The following OR56A3 variants were observed in gnomAD, a reference collection of about 807,000 sequenced individuals.
OR56A3 encodes the protein olfactory receptor 56A3.
A neutral mutation model predicts 17.5 loss-of-function variants in OR56A3; 23 were observed. The ratio of observed to expected loss-of-function variants is 1.32; its 90% confidence interval spans 0.95 to 1.87. OR56A3 has a LOEUF of 1.87. Ranked by LOEUF, OR56A3 falls within the 40% of genes most tolerant of loss-of-function variation. The pLI, the probability that OR56A3 is intolerant of heterozygous loss-of-function variation, is 0.00. For missense variants in OR56A3, 366 were observed against 380.1 expected, an observed-to-expected ratio of 0.96 and a Z score of 0.31; for synonymous variants, 175 against 150.6, an observed-to-expected ratio of 1.16 and a Z score of -1.19.
the OR56A3 span, chr11:6,021,297 A>G: frequency 6.6e-6 from 1 of 152,096 alleles, no homozygotes; most frequent in Admixed American, 6.6e-5. Context: ...TACACAAATT[A>G]CAATTAGAAA....
chr11:5,951,954 A>G (rs981755068), downstream of OR56A3, among the ~76,000 whole-genome samples: 3 of 152,210 alleles, frequency 2.0e-5, no homozygotes, highest in Non-Finnish European at 4.4e-5. Flanking sequence ...AAGGACGGAA[A>G]GTAATTTAGA....
the OR56A3 span, among the ~76,000 whole-genome samples, chr11:5,989,280 G>C: frequency 6.6e-6 from 1 of 152,086 alleles, no homozygotes; most frequent in African/African-American, 2.4e-5. Flanking sequence ...TCATTTTTTA[G>C]CTAAGGAGTC....
rs148306029 is a variant in OR56A3, at chr11:5,942,867, T to C, written c.-314+493T>C. Among the ~76,000 whole-genome samples the C allele has an allele frequency of 2.2e-3, 340 of 152,364 alleles. 1 individual carries two copies. Among genetic ancestry groups the C allele is most frequent in the African/African-American group, 7.5e-3 (310 of 41,594 alleles). On this transcript the variant is annotated intron_variant, in intron 1 of 2. Coordinates refer to ENST00000641160, the MANE Select transcript of OR56A3 (RefSeq NM_001003443.3). ...TTTACCAAGATAGAACCCTAGCAACTCTTTTACTTTTTAAAACAGGGTTTC... is the reference window on the plus strand; with the variant it reads ...TTTACCAAGATAGAACCCTAGCAACCCTTTTACTTTTTAAAACAGGGTTTC...
chr11:5,955,244 A>C (rs1213107105), downstream of OR56A3, among the ~76,000 whole-genome samples: 1 of 152,230 alleles, frequency 6.6e-6, no homozygotes, highest in Non-Finnish European at 1.5e-5. Context: ...AAAAGTAAAA[A>C]GATTAAAATC....
the OR56A3 span, among the ~76,000 whole-genome samples, chr11:6,009,854 G>A: frequency 6.6e-6 from 1 of 152,212 alleles, no homozygotes; most frequent in African/African-American, 2.4e-5. Context: ...TGCAAATCCA[G>A]TTCCATCTAT....
the OR56A3 span, among the ~76,000 whole-genome samples, chr11:5,961,739 A>T: frequency 1.5e-4 from 22 of 142,164 alleles, no homozygotes; most frequent in East Asian, 4.7e-3. Flanking sequence ...CCCAAGAATG[A>T]TCAATAAATA....
At chr11:5,959,733 A>T in the OR56A3 span, among the ~76,000 whole-genome samples, 1 of 151,930 alleles carries the variant, frequency 6.6e-6, no homozygotes, top group African/African-American at 2.4e-5. Context: ...ACATCTAAAT[A>T]ATCATTGCCC....
At chr11:5,977,222 A>G in the OR56A3 span, among the ~76,000 whole-genome samples, 1 of 152,186 alleles carries the variant, frequency 6.6e-6, no homozygotes, top group Admixed American at 6.5e-5. Flanking sequence ...TCCTTTGGAT[A>G]TATATCCAAT....
the OR56A3 span, among the ~76,000 whole-genome samples, chr11:5,957,068 C>T: frequency 1.3e-5 from 2 of 152,132 alleles, no homozygotes; most frequent in South Asian, 2.1e-4. Context: ...GCAGGAGAAT[C>T]GCTTGAACCT....
At chr11:5,961,977 C>T in the OR56A3 span, among the ~76,000 whole-genome samples, 134 of 152,232 alleles carry the variant, frequency 8.8e-4, no homozygotes, top group Admixed American at 2.2e-3. Flanking sequence ...TGTTCCAGAT[C>T]TCGGAGAAAA....
chr11:5,962,360 G>A, the OR56A3 span, among the ~76,000 whole-genome samples: 1 of 152,106 alleles, frequency 6.6e-6, no homozygotes, highest in Non-Finnish European at 1.5e-5. Context: ...TTCTTTGTGT[G>A]TGCGTGTTCT....
At chr11:5,953,582 C>A (rs553978810), downstream of OR56A3, among the ~76,000 whole-genome samples, 1 of 152,156 alleles carries the variant, frequency 6.6e-6, no homozygotes, top group African/African-American at 2.4e-5. Context: ...ATCAGTAGAT[C>A]TGGCTGCATA....
chr11:6,003,748 T>C, the OR56A3 span, among the ~76,000 whole-genome samples: 29 of 152,244 alleles, frequency 1.9e-4, no homozygotes, highest in African/African-American at 6.7e-4. Flanking sequence ...TTGTGTGAAA[T>C]GATGTTACAT....
At chr11:5,975,833 A>C in the OR56A3 span, among the ~76,000 whole-genome samples, 1 of 152,028 alleles carries the variant, frequency 6.6e-6, no homozygotes, top group Non-Finnish European at 1.5e-5. Context: ...AACAGTGTAA[A>C]AGTGTTCCTA....
the OR56A3 span, among the ~76,000 whole-genome samples, chr11:5,976,002 G>A: frequency 6.6e-6 from 1 of 151,940 alleles, no homozygotes; most frequent in East Asian, 1.9e-4. Context: ...AAAATACTAG[G>A]AAACCAAATA....
the OR56A3 span, chr11:5,987,029 G>T: frequency 8.9e-7 from 1 of 1,124,778 alleles, no homozygotes; most frequent in Non-Finnish European, 1.3e-6. Context: ...AGGGAATAAA[G>T]TTAGCTACAG....
chr11:6,008,844 TTATATCCTGTA>T, the OR56A3 span, among the ~76,000 whole-genome samples: 3 of 152,236 alleles, frequency 2.0e-5, no homozygotes, highest in Admixed American at 6.5e-5. Flanking sequence ...TATCCTGTAT[TTATATCCTGTA>T]TATATCCTGT....
At chr11:5,961,157 G>A in the OR56A3 span, among the ~76,000 whole-genome samples, 13 of 148,558 alleles carry the variant, frequency 8.8e-5, no homozygotes, top group South Asian at 2.2e-4. Context: ...CCCGGCCACC[G>A]CCCAGTCTGG....
At chr11:5,975,189 C>T in the OR56A3 span, among the ~76,000 whole-genome samples, 16 of 152,212 alleles carry the variant, frequency 1.1e-4, no homozygotes, top group African/African-American at 3.9e-4. Flanking sequence ...TCCTATCAGA[C>T]AGCCTCTTAA....
Sources: gnomAD v4.1 joint callset for allele counts (sites outside exome capture counted in the v4.1 genomes callset) on GRCh38, gnomAD v4.1.1 for gene constraint, MANE v1.5 for transcripts, NCBI Gene and HGNC (gene_info 2026-07-23, HGNC 2026-07-21) for gene names.